LRP1B: variants seen among roughly 807,000 people sequenced by gnomAD.
The protein encoded by LRP1B is LDL receptor related protein 1B.
LRP1B carries 217 observed loss-of-function variants against 556.6 expected under a neutral mutation model. That is an observed-to-expected ratio of 0.39 (90% CI 0.35 to 0.44). The LOEUF is 0.44. Among genes scored for constraint, LRP1B ranks in the 20% least tolerant of loss-of-function variants. The pLI, the probability that LRP1B is intolerant of heterozygous loss-of-function variation, is 1.00. For missense variants in LRP1B, 5,053 were observed against 5,620.8 expected (o/e 0.90, Z 3.23); for synonymous variants, 2,047 against 1,865.8 (o/e 1.10, Z -2.50).
chr2:141,717,627 G>C lies in LRP1B; in HGVS notation c.205+92652C>G, dbSNP rs575840418. Among the ~76,000 whole-genome samples, 4 of 152,264 alleles carry C rather than the reference G, an allele frequency of 2.6e-5. No homozygotes were observed. The South Asian group carries it at 8.3e-4, about 32-fold the overall frequency. On this transcript the variant is annotated intron_variant, in intron 2 of 90. Transcript: ENST00000389484. ...AATGTCACCTTGGTTTAGGAATAAA[G>C]ACAGATTTTTCTCTCTGAAAGGAAA...
At chr2:140,860,924 T>C (rs1025846638) in intron 27 of LRP1B, among the ~76,000 whole-genome samples, 7 of 151,790 alleles carry the variant, frequency 4.6e-5, no homozygotes, top group Admixed American at 4.6e-4. Context: ...CCTTACAGGG[T>C]GGGGGAGGAG....
chr2:140,647,173 A>C (rs1574188130), intron 41 of LRP1B, among the ~76,000 whole-genome samples: 2 of 152,002 alleles, frequency 1.3e-5, no homozygotes, highest in Non-Finnish European at 2.9e-5. Flanking sequence ...GTTATTTTTT[A>C]AATCTGCCTT....
rs1273012853 is a variant in LRP1B, at chr2:141,938,765, TG to T, written c.83-128365del. ...ATCTCTCTCTCTCCATATATGTGTG[TG>T]TGTGTGTATATGTGTATCTATATAT... On this transcript the variant is annotated intron_variant, in intron 1 of 90. Transcript: ENST00000389484. 5.5e-4 allele frequency among the ~76,000 whole-genome samples: 83 copies of T among 152,134 alleles called. 1 individual carries two copies. Among genetic ancestry groups the T allele is most frequent in the African/African-American group, 2.0e-3 (81 of 41,534 alleles).
intron 61 of LRP1B, 102 bp from the exon 62 acceptor site, chr2:140,456,705 A>G (rs2105322620): frequency 9.7e-7 from 1 of 1,034,880 alleles, no homozygotes; most frequent in Non-Finnish European, 1.4e-6. Flanking sequence ...AACTTGAATT[A>G]GAATAAATCT....
chr2:141,957,477 T>C (rs186151852), intron 1 of LRP1B, among the ~76,000 whole-genome samples: 1 of 151,964 alleles, frequency 6.6e-6, no homozygotes, highest in East Asian at 2.0e-4. Context: ...ATACTTGTCT[T>C]GCCTTGTCGG....
intron 2 of LRP1B, among the ~76,000 whole-genome samples, chr2:141,744,426 A>G (rs1693837183): frequency 6.6e-6 from 1 of 152,142 alleles, no homozygotes; most frequent in Admixed American, 6.6e-5. Context: ...CTTGAGAATG[A>G]TCCATGTGCT....
At chr2:140,623,956 G>GTGTATATATATATATATATATATA (rs1339496296) in intron 41 of LRP1B, among the ~76,000 whole-genome samples, 12 of 106,430 alleles carry the variant, frequency 1.1e-4, no homozygotes, top group South Asian at 3.7e-4. Context: ...TTTTATTTAT[G>GTGTATATATATATATATATATATA]TATATATATA....
At chr2:140,830,135 A>AC (rs1691664435) in intron 31 of LRP1B, among the ~76,000 whole-genome samples, 1 of 151,916 alleles carries the variant, frequency 6.6e-6, no homozygotes, top group Non-Finnish European at 1.5e-5. Context: ...ATCAAAAAAA[A>AC]CCCCAGGACC....
chr2:141,609,250 C>G (rs1688023486), intron 2 of LRP1B, among the ~76,000 whole-genome samples: 3 of 152,126 alleles, frequency 2.0e-5, no homozygotes, highest in Admixed American at 1.3e-4. Context: ...TAGGAGAACA[C>G]TATTACGTAG....
intron 1 of LRP1B, among the ~76,000 whole-genome samples, chr2:141,916,348 C>CTTAT (rs61643665): frequency 0.28 from 39,113 of 141,664 alleles, 6,392 homozygotes; most frequent in Non-Finnish European, 0.35. Context: ...CACGTTTTCA[C>CTTAT]TTATTTATTT....
chr2:141,356,034 C>CAGG (rs1304476327), intron 3 of LRP1B, among the ~76,000 whole-genome samples: 3 of 152,162 alleles, frequency 2.0e-5, no homozygotes, highest in Non-Finnish European at 2.9e-5. Context: ...ACCAACCTCT[C>CAGG]TTATAGTAGA....
intron 2 of LRP1B, among the ~76,000 whole-genome samples, chr2:141,578,180 G>T (rs1053893878): frequency 6.6e-6 from 1 of 152,068 alleles, no homozygotes; most frequent in African/African-American, 2.4e-5. Flanking sequence ...TGGATCATGA[G>T]GTCAAGAGCT....
At position 141,929,917 on chromosome 2, in the gene LRP1B, A is replaced by AAC. The variant is rs1275909165; in HGVS notation, c.83-119517_83-119516insGT. The stretch of plus-strand genomic sequence containing the variant: ...GGAGAAACCGCGGATGGAAACAAAA[A>AAC]AAAAAAAAAAAAAAAAAAAAAGACA... On this transcript the variant is annotated intron_variant, in intron 1 of 90. Transcript: ENST00000389484. Among the ~76,000 whole-genome samples, 71 of 10,550 alleles carry AAC rather than the reference A, an allele frequency of 6.7e-3. 1 individual carries two copies. Among genetic ancestry groups the AAC allele is most frequent in the African/African-American group, 0.021 (70 of 3,364 alleles). The allele number at this position is 10,550 out of a possible 152,430, so 6.9% of individuals were successfully genotyped here. A position where few individuals can be genotyped will look rare whatever the true frequency, so the allele number is the denominator to read the frequency against.
chr2:140,431,750 A>G (rs1405311149), intron 66 of LRP1B, among the ~76,000 whole-genome samples: 1 of 152,090 alleles, frequency 6.6e-6, no homozygotes, highest in Non-Finnish European at 1.5e-5. Context: ...CCAGGCCATG[A>G]CCAATAATTC....
chr2:141,523,486 C>T (rs1413894949), intron 2 of LRP1B, among the ~76,000 whole-genome samples: 1 of 151,938 alleles, frequency 6.6e-6, no homozygotes, highest in African/African-American at 2.4e-5. Flanking sequence ...TAAACAAGCA[C>T]CTTACATGTG....
intron 3 of LRP1B, among the ~76,000 whole-genome samples, chr2:141,323,682 A>G (rs890022869): frequency 2.6e-5 from 4 of 152,024 alleles, no homozygotes; most frequent in African/African-American, 9.7e-5. Flanking sequence ...ATAAACATCA[A>G]GACTCACAGA....
intron 1 of LRP1B, among the ~76,000 whole-genome samples, chr2:141,946,728 T>G (rs970448759): frequency 6.6e-6 from 1 of 152,206 alleles, no homozygotes; most frequent in Non-Finnish European, 1.5e-5. Context: ...ATGATTTAGA[T>G]AGTCTGTGAA....
intron 2 of LRP1B, among the ~76,000 whole-genome samples, chr2:141,641,574 C>A (rs1182305711): frequency 6.6e-6 from 1 of 152,142 alleles, no homozygotes; most frequent in Non-Finnish European, 1.5e-5. Flanking sequence ...CCCTTAAATG[C>A]AATGCTATAA....
At chr2:140,447,719 T>C (rs74666029) in intron 63 of LRP1B, among the ~76,000 whole-genome samples, 19,199 of 152,182 alleles carry the variant, frequency 0.13, 1,337 homozygotes, top group East Asian at 0.25. Context: ...GCATAGCTTT[T>C]GGTATATCTT....
Sources: gnomAD v4.1 joint callset for allele counts (sites outside exome capture counted in the v4.1 genomes callset) on GRCh38, gnomAD v4.1.1 for gene constraint, MANE v1.5 for transcripts, NCBI Gene and HGNC (gene_info 2026-07-23, HGNC 2026-07-21) for gene names.